The following RBPJ variants were observed in gnomAD, a reference collection of about 807,000 sequenced individuals.
RBPJ encodes the protein recombination signal binding protein for immunoglobulin kappa J region.
A neutral mutation model predicts 67.8 loss-of-function variants in RBPJ; 9 were observed. The ratio of observed to expected loss-of-function variants is 0.13; its 90% CI spans 0.08 to 0.23. RBPJ has a LOEUF of 0.23. RBPJ is among the 10% of genes least tolerant of loss of function. RBPJ has a pLI of 1.00. For synonymous variants in RBPJ, 198 were observed against 203.3 expected, an observed-to-expected ratio of 0.97 and a Z score of 0.22; for missense variants, 305 against 595.6, an observed-to-expected ratio of 0.51 and a Z score of 5.08.
At chr4:26,314,284 T>C (rs547066265) in intron 1 of RBPJ, among the ~76,000 whole-genome samples, 2 of 152,280 alleles carry the variant, frequency 1.3e-5, no homozygotes, top group East Asian at 3.9e-4. Context: ...TTGTTACCAG[T>C]ATTTTTTTTT....
At chr4:26,186,191 TTAA>T (rs1188326182) in intron 1 of RBPJ, among the ~76,000 whole-genome samples, 21 of 135,418 alleles carry the variant, frequency 1.6e-4, no homozygotes, top group South Asian at 4.7e-4. Flanking sequence ...CCCCTTTTTT[TTAA>T]AAAAAAAAAA....
intron 1 of RBPJ, among the ~76,000 whole-genome samples, chr4:26,335,013 C>T (rs1432142378): frequency 6.6e-6 from 1 of 152,098 alleles, no homozygotes; most frequent in Non-Finnish European, 1.5e-5. Flanking sequence ...TTAAACTTGC[C>T]TTTTCCAAAA....
intron 1 of RBPJ, among the ~76,000 whole-genome samples, chr4:26,372,803 A>T (rs1729300918): frequency 6.6e-6 from 1 of 152,240 alleles, no homozygotes; most frequent in Admixed American, 6.5e-5. Context: ...TACCCAAGGC[A>T]AAGCAGCTTG....
At chr4:26,244,351 A>ATGCACATATGTGTACACATGTGTGTG (rs1719820274) in intron 1 of RBPJ, among the ~76,000 whole-genome samples, 1 of 3,614 alleles carries the variant, frequency 2.8e-4, no homozygotes, top group African/African-American at 1.1e-3. Context: ...ATATGTGTGT[A>ATGCACATATGTGTACACATGTGTGTG]TATATATGTA....
intron 1 of RBPJ, among the ~76,000 whole-genome samples, chr4:26,216,618 A>G (rs1394835973): frequency 6.6e-6 from 1 of 152,108 alleles, no homozygotes; most frequent in Non-Finnish European, 1.5e-5. Context: ...AGGGTTTTAA[A>G]TAGGGGAGGA....
At chr4:26,284,665 C>T (rs574446970) in intron 1 of RBPJ, among the ~76,000 whole-genome samples, 11 of 151,992 alleles carry the variant, frequency 7.2e-5, no homozygotes, top group Admixed American at 5.2e-4. Flanking sequence ...GATGGGGCTT[C>T]GCCATGTCGG....
intron 1 of RBPJ, among the ~76,000 whole-genome samples, chr4:26,274,508 A>G (rs1249640466): frequency 2.6e-5 from 4 of 152,104 alleles, no homozygotes; most frequent in Non-Finnish European, 4.4e-5. Context: ...GCATGTGCCT[A>G]TGTTCTCAGC....
intron 1 of RBPJ, among the ~76,000 whole-genome samples, chr4:26,248,570 A>C (rs1720000585): frequency 6.6e-6 from 1 of 152,208 alleles, no homozygotes; most frequent in African/African-American, 2.4e-5. Flanking sequence ...GCCAGTACAA[A>C]TTTTAATACA....
chr4:26,419,113 G>A (rs1403711591), intron 4 of RBPJ, among the ~76,000 whole-genome samples: 1 of 152,064 alleles, frequency 6.6e-6, no homozygotes, highest in Non-Finnish European at 1.5e-5. Flanking sequence ...TGAGTAGCTG[G>A]GACTACAGGC....
In RBPJ at chr4:26,430,032, G is replaced by A. The variant is rs141228360; in HGVS notation, c.1023G>A (p.Val341=). Residue 341 remains valine, a synonymous_variant, in exon 9 of 11, where the codon GTG becomes GTA. Coordinates refer to ENST00000355476, the MANE Select transcript of RBPJ (RefSeq NM_015874.6). This position sits in a 1 kb window ranked among gnomAD's most constrained non-coding sequence, Gnocchi z 4.1. ...CTGTCCTTGCCCCAGTCACTCCTGT[G>A]CCTGTGGTAGAGAGCCTTCAGGTGA... ...MGPVLAPVTP[V]PVVESLQLNG... is the part of the protein sequence containing the mutation. 701 of 1,614,056 alleles carry A rather than the reference G, an allele frequency of 4.3e-4. 5 individuals are homozygous for A. In the African/African-American group the frequency reaches 7.9e-3, roughly 18 times the overall value.
intron 1 of RBPJ, among the ~76,000 whole-genome samples, chr4:26,273,971 T>C (rs1428935304): frequency 6.6e-6 from 1 of 152,184 alleles, no homozygotes; most frequent in African/African-American, 2.4e-5. Flanking sequence ...TTGTTCTTCT[T>C]CCATTCCCCT....
intron 1 of RBPJ, among the ~76,000 whole-genome samples, chr4:26,363,512 C>T (rs560428029): frequency 6.6e-6 from 1 of 152,348 alleles, no homozygotes; most frequent in East Asian, 1.9e-4. Flanking sequence ...GATCTTGGCT[C>T]ACTGCAGCCT....
intron 1 of RBPJ, among the ~76,000 whole-genome samples, chr4:26,380,184 T>C (rs1038390455): frequency 1.3e-5 from 2 of 152,236 alleles, no homozygotes; most frequent in Non-Finnish European, 2.9e-5. Context: ...TTTAATAATG[T>C]ATTTTCAAAT....
At chr4:26,374,986 G>C (rs1386687360) in intron 1 of RBPJ, among the ~76,000 whole-genome samples, 1 of 151,872 alleles carries the variant, frequency 6.6e-6, no homozygotes, top group Non-Finnish European at 1.5e-5. Flanking sequence ...TGTATGATGA[G>C]GATAATAATA....
At chr4:26,355,334 T>G (rs1206474785) in intron 1 of RBPJ, among the ~76,000 whole-genome samples, 1 of 152,176 alleles carries the variant, frequency 6.6e-6, no homozygotes, top group Non-Finnish European at 1.5e-5. Context: ...ACTGAACTAT[T>G]TTAAATTCTA....
At chr4:26,226,328 G>A (rs1260952906) in intron 1 of RBPJ, among the ~76,000 whole-genome samples, 1 of 151,952 alleles carries the variant, frequency 6.6e-6, no homozygotes, top group South Asian at 2.1e-4. Context: ...TAATTAATTA[G>A]CCAGGTATGG....
At chr4:26,117,994 T>A in the RBPJ span, among the ~76,000 whole-genome samples, 2 of 150,258 alleles carry the variant, frequency 1.3e-5, no homozygotes, top group Admixed American at 1.3e-4. Flanking sequence ...ATTTTAGATA[T>A]ATTATCCATA....
chr4:26,283,641 T>A (rs1721357052), intron 1 of RBPJ, among the ~76,000 whole-genome samples: 1 of 144,424 alleles, frequency 6.9e-6, no homozygotes, highest in Non-Finnish European at 1.5e-5. Flanking sequence ...TGAATACATT[T>A]AACTAAACTT....
At chr4:26,305,533 C>G (rs945005110) in intron 1 of RBPJ, among the ~76,000 whole-genome samples, 10 of 152,076 alleles carry the variant, frequency 6.6e-5, no homozygotes, top group African/African-American at 2.4e-4. Context: ...ATAAAGCTTG[C>G]ACTTCTTTTT....
Sources: gnomAD v4.1 joint callset for allele counts (sites outside exome capture counted in the v4.1 genomes callset) on GRCh38, gnomAD v4.1.1 for gene constraint, Gnocchi (gnomAD v3.1) non-coding constraint, MANE v1.5 for transcripts, NCBI Gene and HGNC (gene_info 2026-07-23, HGNC 2026-07-21) for gene names.